The following SLC15A5 variants were observed in gnomAD, a reference collection of about 807,000 sequenced individuals.
SLC15A5 encodes Peptide/histidine transporter ENSP00000340402.
A neutral mutation model predicts 56.1 loss-of-function variants in SLC15A5; 58 were observed. The ratio of observed to expected loss-of-function variants is 1.03; its 90% CI spans 0.84 to 1.29. The LOEUF (loss-of-function observed/expected upper bound fraction) is 1.29, where lower values mean the gene tolerates loss of function less well. Among genes scored for constraint, SLC15A5 ranks in the 50% most tolerant of loss-of-function variants. SLC15A5 has a pLI of 0.00. For synonymous variants in SLC15A5, 264 were observed against 250.5 expected, an observed-to-expected ratio of 1.05 and a Z score of -0.51; for missense variants, 681 against 672.1, an observed-to-expected ratio of 1.01 and a Z score of -0.15.
intron 2 of SLC15A5, among the ~76,000 whole-genome samples, chr12:16,266,778 G>T (rs1157044952): frequency 6.6e-6 from 1 of 152,128 alleles, no homozygotes; most frequent in Non-Finnish European, 1.5e-5. Flanking sequence ...AGAGAGCAAA[G>T]CACTAAAGCA....
At position 16,189,754 on chromosome 12, in the gene SLC15A5, G is replaced by A; in HGVS notation, c.1654C>T (p.Leu552Phe). The stretch of plus-strand genomic sequence containing the variant: ...TTCAGAGATTTTTCGTGGAGGAGAA[G>A]TGTTTCTTCAAGATTACTTCCACGG... Reference protein sequence around the residue: ...NIRGSNLEETLLLHEKSLKFY... With the variant: ...NIRGSNLEETFLLHEKSLKFY... Residue 552 changes from leucine (L) to phenylalanine (F), a missense_variant, in exon 9 of 9, where the codon CTT becomes TTT. Leu to Phe is a conservative substitution (Grantham distance 22). Coordinates refer to ENST00000344941, the MANE Select transcript of SLC15A5 (RefSeq NM_001170798.1). The A allele has an allele frequency of 6.5e-7, 1 of 1,530,470 alleles. No homozygotes were observed. The highest frequency in any genetic ancestry group is 8.7e-7 in the Non-Finnish European group (1 of 1,143,474). 94.8% of individuals were successfully genotyped at this position (1,530,470 alleles called of 1,614,324 possible).
chr12:16,211,399 A>G (rs945909123), intron 7 of SLC15A5, among the ~76,000 whole-genome samples: 1 of 152,192 alleles, frequency 6.6e-6, no homozygotes, highest in South Asian at 2.1e-4. Flanking sequence ...ATGGAAATTA[A>G]ACAGCTACAT....
chr12:16,276,939 C>T (rs1239076191), intron 1 of SLC15A5, among the ~76,000 whole-genome samples: 1 of 151,930 alleles, frequency 6.6e-6, no homozygotes, highest in East Asian at 1.9e-4. Context: ...ACTTCAAAAA[C>T]CTTTTTTAGC....
chr12:16,242,675 T>C (rs1317026536), intron 4 of SLC15A5, among the ~76,000 whole-genome samples: 1 of 152,192 alleles, frequency 6.6e-6, no homozygotes, highest in Non-Finnish European at 1.5e-5. Flanking sequence ...AATTAGTTTA[T>C]CAAAATTTAT....
intron 6 of SLC15A5, among the ~76,000 whole-genome samples, chr12:16,218,118 A>G (rs565783595): frequency 2.4e-4 from 36 of 152,276 alleles, no homozygotes; most frequent in Non-Finnish European, 4.3e-4. Context: ...AAAGATGTGA[A>G]TGAGAGTAGA....
intron 5 of SLC15A5, 61 bp downstream of exon 5, chr12:16,239,620 G>A (rs955969958): frequency 2.0e-6 from 3 of 1,463,692 alleles, no homozygotes; most frequent in Admixed American, 2.1e-5. Context: ...TCGGATCTTA[G>A]CAGAATGTTG....
chr12:16,272,958 T>A (rs1054017917), intron 1 of SLC15A5, among the ~76,000 whole-genome samples, 175 bp from the exon 2 acceptor site: 1 of 152,122 alleles, frequency 6.6e-6, no homozygotes, highest in South Asian at 2.1e-4. Flanking sequence ...ATTGTAAAAA[T>A]TTCCTTCAAT....
intron 7 of SLC15A5, among the ~76,000 whole-genome samples, chr12:16,208,572 C>A (rs1009508523): frequency 2.0e-5 from 3 of 152,116 alleles, no homozygotes; most frequent in Admixed American, 6.6e-5. Flanking sequence ...GAGACTGAGG[C>A]AGGAGGATCC....
At chr12:16,249,744 A>G (rs897495389) in intron 3 of SLC15A5, among the ~76,000 whole-genome samples, 19 of 152,078 alleles carry the variant, frequency 1.2e-4, no homozygotes, top group Admixed American at 1.2e-3. Flanking sequence ...TGGATGCTGA[A>G]CAGTTATTTA....
rs545981643 is a variant in SLC15A5 at position 16,216,963 on chromosome 12, C to A, written c.1413G>T (p.Leu471=). 4.6e-6 allele frequency: 7 copies of A among 1,536,798 alleles called. No homozygotes were observed. The East Asian group carries it at 1.2e-4, about 27-fold the overall frequency. ...AACAGCCAAATCCATTGAACAGTGT[C>A]AGAAAATTCATGGAGGTTCCTCTGA... ...SNVRGTSMNF[L]TLFNGFGCFT... Residue 471 remains leucine (L), a synonymous_variant, in exon 7 of 9, where the codon CTG becomes CTT. Transcript: ENST00000344941.
intron 7 of SLC15A5, among the ~76,000 whole-genome samples, chr12:16,215,651 T>C (rs7305402): frequency 0.56 from 84,597 of 151,994 alleles, 23,827 homozygotes; most frequent in South Asian, 0.74. Flanking sequence ...GAGAACTGGA[T>C]CATATCTCAC....
chr12:16,203,873 C>G (rs923036812), intron 7 of SLC15A5, among the ~76,000 whole-genome samples: 2 of 152,110 alleles, frequency 1.3e-5, no homozygotes, highest in Non-Finnish European at 2.9e-5. Flanking sequence ...AAGACATACA[C>G]ATTAATAAAC....
chr12:16,255,849 G>A (rs1313502516), intron 3 of SLC15A5, among the ~76,000 whole-genome samples: 1 of 151,950 alleles, frequency 6.6e-6, no homozygotes. Context: ...CAAAAGGGCA[G>A]ACAATATATA....
chr12:16,219,585 C>A (rs748494872), intron 6 of SLC15A5, among the ~76,000 whole-genome samples: 1 of 152,128 alleles, frequency 6.6e-6, no homozygotes, highest in Non-Finnish European at 1.5e-5. Flanking sequence ...CATGAACACA[C>A]TTTGCCAGCT....
intron 8 of SLC15A5, 49 bp from the exon 9 acceptor site, chr12:16,189,864 T>C (rs768276885): frequency 2.9e-5 from 39 of 1,334,884 alleles, no homozygotes; most frequent in Admixed American, 2.0e-4. Context: ...TGTAGATGAA[T>C]TGATAAATCA....
intron 7 of SLC15A5, among the ~76,000 whole-genome samples, chr12:16,216,162 G>A (rs1379311114): frequency 6.6e-6 from 1 of 152,026 alleles, no homozygotes; most frequent in African/African-American, 2.4e-5. Flanking sequence ...CATAAAATAA[G>A]CAAAAGTACA....
Position 16,257,905 on chromosome 12 carries a change from A to G in SLC15A5, c.585-35T>C, listed in dbSNP as rs577369110. ...ACAGACAGACAAAAATAAAAATACC[A>G]TTGAATTGCTTTAGATAACTATTGC... On this transcript the variant is annotated intron_variant, in intron 2 of 8. Coordinates refer to ENST00000344941, the MANE Select transcript of SLC15A5 (RefSeq NM_001170798.1). 3.8e-4 allele frequency: 512 copies of G among 1,357,510 alleles called. 10 individuals carry two copies. The South Asian group carries it at 9.1e-3, about 24-fold the overall frequency. The allele number at this position is 1,357,510 out of a possible 1,614,324, so 84.1% of individuals were successfully genotyped here. A position where few individuals can be genotyped will look rare whatever the true frequency, so the allele number is the denominator to read the frequency against.
At chr12:16,241,414 C>T (rs1244161881) in intron 4 of SLC15A5, among the ~76,000 whole-genome samples, 1 of 152,170 alleles carries the variant, frequency 6.6e-6, no homozygotes, top group Non-Finnish European at 1.5e-5. Context: ...CAGCTGTTAC[C>T]AAGTCCACTA....
chr12:16,216,006 A>C (rs879800372), intron 7 of SLC15A5, among the ~76,000 whole-genome samples: 14 of 152,306 alleles, frequency 9.2e-5, no homozygotes, highest in Non-Finnish European at 1.0e-4. Context: ...TCTCATTCAT[A>C]GAAGTTGATT....
Sources: gnomAD v4.1 joint callset for allele counts (sites outside exome capture counted in the v4.1 genomes callset) on GRCh38, gnomAD v4.1.1 for gene constraint, MANE v1.5 for transcripts, NCBI Gene and HGNC (gene_info 2026-07-23, HGNC 2026-07-21) for gene names.